SMG7: variants seen among roughly 807,000 people sequenced by gnomAD.
The protein encoded by SMG7 is nonsense-mediated mRNA decay factor SMG7.
Under a neutral mutation model 148.2 loss-of-function variants are expected in SMG7, and 34 were observed. The observed-to-expected ratio is 0.23, with a 90% confidence interval of 0.17 to 0.31. The LOEUF is 0.31. Among genes scored for constraint, SMG7 ranks in the 10% least tolerant of loss-of-function variants. The pLI is 1.00. For missense variants in SMG7, 1,114 were observed against 1,408.4 expected (o/e 0.79, Z 3.35); for synonymous variants, 492 against 515.1 (o/e 0.96, Z 0.61).
chr1:183,516,172 G>A, intron 3 of SMG7, 181 bp downstream of exon 3: 1 of 530,378 alleles, frequency 1.9e-6, no homozygotes, highest in Non-Finnish European at 3.4e-6. Context: ...GTCTTTGGAG[G>A]AGGTAAGAAG....
chr1:183,501,694 A>G (rs916512321), intron 1 of SMG7, among the ~76,000 whole-genome samples: 1 of 152,156 alleles, frequency 6.6e-6, no homozygotes, highest in African/African-American at 2.4e-5. Flanking sequence ...AATCCATGGC[A>G]GGGACCATAT....
At chr1:183,499,604 T>C (rs1488098455) in intron 1 of SMG7, among the ~76,000 whole-genome samples, 1 of 152,234 alleles carries the variant, frequency 6.6e-6, no homozygotes, top group Non-Finnish European at 1.5e-5. Context: ...GTTTTCTTAA[T>C]GTTCAAGAGT....
chr1:183,539,019 G>A (rs1044613644), intron 12 of SMG7, among the ~76,000 whole-genome samples: 1 of 151,964 alleles, frequency 6.6e-6, no homozygotes, highest in Non-Finnish European at 1.5e-5. Flanking sequence ...GCATGGTGGC[G>A]GGTGCCTATA....
intron 19 of SMG7, among the ~76,000 whole-genome samples, 195 bp downstream of exon 19, chr1:183,549,483 T>G (rs1020440640): frequency 6.6e-6 from 1 of 152,218 alleles, no homozygotes; most frequent in African/African-American, 2.4e-5. Flanking sequence ...ACCCTTTAAC[T>G]TCTCATTAAT....
In SMG7 at chr1:183,552,729, GT is replaced by G; in HGVS notation, c.*803del. ...AGACTGCTGTAGGATTTCAAATTAC[GT>G]TTTTGATTCCTGTACATTTTACAGT... On this transcript the variant is annotated 3_prime_UTR_variant, in exon 23 of 23. Transcript: ENST00000688051. The G allele has an allele frequency of 7.6e-7, 1 of 1,323,440 alleles. No homozygotes were observed. The highest frequency in any genetic ancestry group is 1.5e-5 in the African/African-American group (1 of 67,584). 82.0% of individuals were successfully genotyped at this position (1,323,440 alleles called of 1,614,324 possible). A position where few individuals can be genotyped will look rare whatever the true frequency, so the allele number is the denominator to read the frequency against.
intron 8 of SMG7, among the ~76,000 whole-genome samples, chr1:183,531,908 A>C (rs139768781): frequency 2.0e-5 from 3 of 152,292 alleles, no homozygotes; most frequent in African/African-American, 4.8e-5. Context: ...TTTTGTGGGA[A>C]AATTCTAGAG....
At chr1:183,492,712 A>C (rs1657374219) in intron 1 of SMG7, among the ~76,000 whole-genome samples, 1 of 151,786 alleles carries the variant, frequency 6.6e-6, no homozygotes, top group Non-Finnish European at 1.5e-5. Flanking sequence ...TCTGCTCTTC[A>C]CTATTTCCTT....
chr1:183,515,539 A>G (rs1254246507), intron 2 of SMG7, among the ~76,000 whole-genome samples: 1 of 152,186 alleles, frequency 6.6e-6, no homozygotes, highest in African/African-American at 2.4e-5. Flanking sequence ...GGCTTACTGT[A>G]AGGCATATAG....
intron 4 of SMG7, among the ~76,000 whole-genome samples, chr1:183,522,493 C>T (rs1168413217): frequency 6.6e-6 from 1 of 152,086 alleles, no homozygotes; most frequent in Non-Finnish European, 1.5e-5. Context: ...CATTGGTGAA[C>T]TTAATGAATA....
intron 1 of SMG7, among the ~76,000 whole-genome samples, chr1:183,480,807 A>G (rs1199865694): frequency 6.6e-6 from 1 of 152,048 alleles, no homozygotes; most frequent in Non-Finnish European, 1.5e-5. Context: ...TCCTACTGTT[A>G]CCTTACCTGC....
chr1:183,527,673 A>G lies in SMG7; in HGVS notation c.485-283A>G, dbSNP rs1164174399. The G allele has an allele frequency of 3.9e-6, 2 of 512,004 alleles. No homozygotes were observed. Among genetic ancestry groups the G allele is most frequent in the African/African-American group, 1.9e-5 (1 of 51,748 alleles). The allele number at this position is 512,004 out of a possible 1,614,324, so 31.7% of individuals were successfully genotyped here. A position where few individuals can be genotyped will look rare whatever the true frequency, so the allele number is the denominator to read the frequency against. On this transcript the variant is annotated intron_variant, in intron 5 of 22. Coordinates refer to ENST00000688051, the MANE Select transcript of SMG7 (RefSeq NM_001375584.1). This position sits in a 1 kb window ranked among gnomAD's most constrained non-coding sequence, Gnocchi z 4.0. Reference sequence around the variant, plus strand: ...TGTGGGCCGGCTCCAGGTCACCAGCATAGTCCATAGTGGGAGCTGGTGATG... The same window carrying G: ...TGTGGGCCGGCTCCAGGTCACCAGCGTAGTCCATAGTGGGAGCTGGTGATG...
At position 183,515,894 on chromosome 1, in the gene SMG7, G is replaced by C; in HGVS notation, c.82G>C (p.Glu28Gln). 6.2e-7 allele frequency: 1 copy of C among 1,611,724 alleles called. No individual in the cohort carries two copies. Among genetic ancestry groups the C allele is most frequent in the Non-Finnish European group, 8.5e-7 (1 of 1,178,220 alleles). The change falls in exon 3 of 23, where the codon GAA becomes CAA. Residue 28 changes from glutamate to glutamine, a missense_variant. Glu to Gln is a conservative substitution (Grantham distance 29). Around this residue, in one of 4 missense-constraint regions of SMG7, gnomAD observed 216 missense variants for 329.1 expected, o/e 0.66. Transcript: ENST00000688051. ...DMTDSKLGPA[E>Q]VWTSRQALQD... ...CTCAGATTCTAAGCTGGGTCCAGCT[G>C]AAGTCTGGACATCCAGGCAGGCTCT...
rs192963106 is a variant in SMG7, at chr1:183,533,145, C to T, written c.844-19C>T. On this transcript the variant is annotated intron_variant, in intron 8 of 22. Coordinates refer to ENST00000688051, the MANE Select transcript of SMG7 (RefSeq NM_001375584.1). ...CCTGTTCTTGATAATATATGCAGTA[C>T]GTCTGTCTTCTTTTACAGAGGCTGC... The T allele has an allele frequency of 5.2e-4, 830 of 1,608,804 alleles. 19 individuals carry two copies. In the East Asian group the frequency reaches 0.011, roughly 21 times the overall value.
At position 183,552,696 on chromosome 1, in the gene SMG7, T is replaced by A; in HGVS notation, c.*765T>A. On this transcript the variant is annotated 3_prime_UTR_variant, in exon 23 of 23. Coordinates refer to ENST00000688051, the MANE Select transcript of SMG7 (RefSeq NM_001375584.1). Reference sequence around the variant, plus strand: ...TGTGGGTGGTGGTGCTGGGCTGGACTAGCAGGTAGACTGCTGTAGGATTTC... The same window carrying A: ...TGTGGGTGGTGGTGCTGGGCTGGACAAGCAGGTAGACTGCTGTAGGATTTC... 8.1e-7 allele frequency: 1 copy of A among 1,228,766 alleles called. No homozygotes were observed. Among genetic ancestry groups the A allele is most frequent in the Non-Finnish European group, 1.0e-6 (1 of 975,764 alleles). 76.1% of individuals were successfully genotyped at this position (1,228,766 alleles called of 1,614,324 possible). A position where few individuals can be genotyped will look rare whatever the true frequency, so the allele number is the denominator to read the frequency against.
chr1:183,481,964 G>A (rs1654234762), intron 1 of SMG7, among the ~76,000 whole-genome samples: 1 of 152,104 alleles, frequency 6.6e-6, no homozygotes, highest in South Asian at 2.1e-4. Context: ...ATAGCCATGA[G>A]CCACCATTCC....
At chr1:183,503,294 A>T (rs531148298) in intron 1 of SMG7, among the ~76,000 whole-genome samples, 1 of 152,230 alleles carries the variant, frequency 6.6e-6, no homozygotes, top group African/African-American at 2.4e-5. Flanking sequence ...TTCTTAACAG[A>T]TGAGTTTAGT....
intron 4 of SMG7, among the ~76,000 whole-genome samples, chr1:183,520,591 G>A (rs1478319269): frequency 6.6e-6 from 1 of 152,098 alleles, no homozygotes; most frequent in East Asian, 1.9e-4. Flanking sequence ...AGGAGGTGGT[G>A]CAGCTGGCTC....
chr1:183,553,292 G>C lies in SMG7; in HGVS notation c.*1361G>C, dbSNP rs755465611. 12 of 1,257,868 alleles carry C rather than the reference G, an allele frequency of 9.5e-6. No homozygotes were observed. Among genetic ancestry groups the C allele is most frequent in the Non-Finnish European group, 1.3e-5 (12 of 929,114 alleles). 77.9% of individuals were successfully genotyped at this position (1,257,868 alleles called of 1,614,324 possible). On this transcript the variant is annotated 3_prime_UTR_variant, in exon 23 of 23. Coordinates refer to ENST00000688051, the MANE Select transcript of SMG7 (RefSeq NM_001375584.1). ...ACAGCATTTCTGTTAGTCATTTCCT[G>C]GAAAAGTAATATTTTAAGGGGAAAT...
chr1:183,542,540 G>C (rs768349198), intron 14 of SMG7, 38 bp downstream of exon 14: 1 of 1,545,148 alleles, frequency 6.5e-7, no homozygotes, highest in Admixed American at 2.0e-5. Flanking sequence ...GTAGAGGAAG[G>C]CTCACACAAA....
Sources: allele counts gnomAD v4.1 joint callset (sites outside exome capture counted in the v4.1 genomes callset), GRCh38; gene constraint gnomAD v4.1.1; regional missense constraint gnomAD v4.1.1; non-coding constraint Gnocchi (gnomAD v3.1); transcripts MANE v1.5; gene names NCBI Gene and HGNC (gene_info 2026-07-23, HGNC 2026-07-21).